PLCZ1: variants seen among roughly 807,000 people sequenced by gnomAD.
PLCZ1 encodes phospholipase C zeta 1, also known as 1-phosphatidylinositol 4,5-bisphosphate phosphodiesterase zeta-1.
A neutral mutation model predicts 76.8 loss-of-function variants in PLCZ1; 64 were observed. The ratio of observed to expected loss-of-function variants is 0.83; its 90% confidence interval spans 0.68 to 1.03. The LOEUF is 1.03. PLCZ1 is among the 50% of genes least tolerant of loss of function. The pLI, the probability that PLCZ1 is intolerant of heterozygous loss-of-function variation, is 0.00. For synonymous variants in PLCZ1, 248 were observed against 230.8 expected (o/e 1.07, Z -0.68); for missense variants, 751 against 713.7 (o/e 1.05, Z -0.60).
chr12:18,645,619 G>A, the PLCZ1 span, among the ~76,000 whole-genome samples: 11 of 152,032 alleles, frequency 7.2e-5, no homozygotes, highest in African/African-American at 9.7e-5. Context: ...TCCTTTTTGT[G>A]TATTTGATGG....
Position 18,684,195 on chromosome 12 carries a change from T to C in PLCZ1, c.1676A>G (p.Gln559Arg). The change falls in exon 14 of 15, where the codon CAA becomes CGA. Residue 559 changes from glutamine to arginine, a missense_variant. Physicochemically the swap from Gln to Arg is conservative, Grantham distance 43 (BLOSUM62 1). Transcript: ENST00000266505. ...LALIRFVVEG[Q>R]GLIAGNEFLG... is the part of the protein sequence containing the mutation. ...AAATTCATTTCCTGCTATTAAACCT[T>C]GACCTTCAACAACAAAACGTATCAA... 6.2e-7 allele frequency: 1 copy of C among 1,612,306 alleles called. No homozygotes were observed. Among genetic ancestry groups the C allele is most frequent in the Non-Finnish European group, 8.5e-7 (1 of 1,178,930 alleles).
At chr12:18,730,727 A>C (rs890502401) in intron 3 of PLCZ1, among the ~76,000 whole-genome samples, 1 of 152,168 alleles carries the variant, frequency 6.6e-6, no homozygotes, top group Non-Finnish European at 1.5e-5. Flanking sequence ...ATTTTACTAA[A>C]TTTCACTTCA....
intron 7 of PLCZ1, among the ~76,000 whole-genome samples, chr12:18,702,512 G>A (rs1956084129): frequency 6.6e-6 from 1 of 152,058 alleles, no homozygotes; most frequent in Non-Finnish European, 1.5e-5. Context: ...TCTCCAGGGA[G>A]CTTTGATTGT....
At chr12:18,665,653 C>A in the PLCZ1 span, among the ~76,000 whole-genome samples, 1 of 151,876 alleles carries the variant, frequency 6.6e-6, no homozygotes, top group Non-Finnish European at 1.5e-5. Flanking sequence ...ATTAGCCTGG[C>A]GGTCTGGACG....
chr12:18,705,220 C>A lies in PLCZ1; in HGVS notation c.810G>T (p.Glu270Asp), dbSNP rs898419315. The A allele has an allele frequency of 6.2e-7, 1 of 1,614,022 alleles. No individual in the cohort carries two copies. Among genetic ancestry groups the A allele is most frequent in the Non-Finnish European group, 8.5e-7 (1 of 1,180,000 alleles). ...MADNLQATFG[E>D]SLLSDMLDDF... Reference sequence around the variant, plus strand: ...CATCAAGCATATCAGAAAGCAAGGACTCTCCAAAAGTAGCCTGCAAATTGT... The same window carrying A: ...CATCAAGCATATCAGAAAGCAAGGAATCTCCAAAAGTAGCCTGCAAATTGT... Residue 270 changes from glutamate to aspartate, a missense_variant, in exon 7 of 15, where the codon GAG becomes GAT. Transcript: ENST00000266505.
the PLCZ1 span, among the ~76,000 whole-genome samples, chr12:18,653,559 C>A: frequency 6.6e-6 from 1 of 152,114 alleles, no homozygotes; most frequent in African/African-American, 2.4e-5. Context: ...GTTACCTAAA[C>A]TTCACCAAAT....
chr12:18,661,759 T>C, the PLCZ1 span, among the ~76,000 whole-genome samples: 1 of 152,090 alleles, frequency 6.6e-6, no homozygotes, highest in Admixed American at 6.6e-5. Context: ...AACTTAGAAC[T>C]ACCATTGACC....
intron 10 of PLCZ1, among the ~76,000 whole-genome samples, chr12:18,697,911 T>C (rs1955306170): frequency 6.6e-6 from 1 of 152,124 alleles, no homozygotes; most frequent in African/African-American, 2.4e-5. Flanking sequence ...AGAAAAATGC[T>C]CTATGCCCCT....
At chr12:18,663,433 G>A in the PLCZ1 span, among the ~76,000 whole-genome samples, 1 of 152,056 alleles carries the variant, frequency 6.6e-6, no homozygotes, top group Non-Finnish European at 1.5e-5. Context: ...CATAGGTAAT[G>A]TAGAGATTAT....
At chr12:18,695,865 A>G (rs1048473456) in intron 11 of PLCZ1, among the ~76,000 whole-genome samples, 1 of 152,096 alleles carries the variant, frequency 6.6e-6, no homozygotes, top group Non-Finnish European at 1.5e-5. Flanking sequence ...TTCAATGTCC[A>G]TTTGGGTTTC....
At chr12:18,707,543 C>T (rs1456668131) in intron 6 of PLCZ1, among the ~76,000 whole-genome samples, 1 of 152,128 alleles carries the variant, frequency 6.6e-6, no homozygotes, top group East Asian at 1.9e-4. Context: ...CCCCCATTTC[C>T]TTACCAAAGG....
At chr12:18,715,036 T>C (rs1390339172) in intron 5 of PLCZ1, 1 of 151,716 alleles carries the variant, frequency 6.6e-6, no homozygotes, top group Non-Finnish European at 1.5e-5. Context: ...TTGGCGATCA[T>C]ATGCAGTCCC....
At position 18,712,989 on chromosome 12, in the gene PLCZ1, A is replaced by G. The variant is rs369971006; in HGVS notation, c.570-3T>C. ...AACGGCATCCTTTCACAAGGGCACT[A>G]GCAAAATTTCAGCAAAATAAAATGT... On this transcript the variant is annotated splice_polypyrimidine_tract_variant and splice_region_variant and intron_variant, in intron 5 of 14. Coordinates refer to ENST00000266505, the MANE Select transcript of PLCZ1 (RefSeq NM_033123.4). The G allele has an allele frequency of 6.2e-7, 1 of 1,613,820 alleles. No individual in the cohort carries two copies. Among genetic ancestry groups the G allele is most frequent in the African/African-American group, 1.3e-5 (1 of 74,936 alleles).
intron 6 of PLCZ1, among the ~76,000 whole-genome samples, chr12:18,710,175 C>T (rs1957125963): frequency 6.8e-6 from 1 of 147,802 alleles, no homozygotes; most frequent in Admixed American, 6.9e-5. Context: ...TTTTTCTTAT[C>T]TAGTTGCCCA....
intron 4 of PLCZ1, among the ~76,000 whole-genome samples, chr12:18,721,246 C>A (rs1325224219): frequency 6.6e-6 from 1 of 152,004 alleles, no homozygotes; most frequent in Non-Finnish European, 1.5e-5. Flanking sequence ...AAGGATTAAT[C>A]ACATGGATTT....
chr12:18,662,188 T>TA, the PLCZ1 span, among the ~76,000 whole-genome samples: 1 of 152,228 alleles, frequency 6.6e-6, no homozygotes, highest in South Asian at 2.1e-4. Flanking sequence ...GTAGTTATGC[T>TA]ATGCTACCTA....
intron 13 of PLCZ1, among the ~76,000 whole-genome samples, chr12:18,685,118 T>G (rs1338516407): frequency 6.6e-6 from 1 of 152,056 alleles, no homozygotes. Context: ...GTCAGTCTTA[T>G]TATGGGAAGA....
intron 6 of PLCZ1, among the ~76,000 whole-genome samples, chr12:18,711,492 A>T (rs1313234454): frequency 1.3e-5 from 2 of 150,540 alleles, no homozygotes; most frequent in East Asian, 3.9e-4. Flanking sequence ...TATGTAACAA[A>T]CCTGCACATT....
At chr12:18,728,111 T>C (rs1238273206) in intron 3 of PLCZ1, among the ~76,000 whole-genome samples, 1 of 152,160 alleles carries the variant, frequency 6.6e-6, no homozygotes, top group African/African-American at 2.4e-5. Flanking sequence ...GAAGTACATC[T>C]GAGATGACAT....
Sources: gnomAD v4.1 joint callset for allele counts (sites outside exome capture counted in the v4.1 genomes callset) on GRCh38, gnomAD v4.1.1 for gene constraint, MANE v1.5 for transcripts, NCBI Gene and HGNC (gene_info 2026-07-23, HGNC 2026-07-21) for gene names.